Variants in SLC23A2 observed in about 807,000 individuals in gnomAD.
The protein encoded by SLC23A2 is Na(+)/L-ascorbic acid transporter 2.
A neutral mutation model predicts 73.3 loss-of-function variants in SLC23A2; 36 were observed. That is an observed-to-expected ratio of 0.49 (90% CI 0.38 to 0.65). The LOEUF (loss-of-function observed/expected upper bound fraction) is 0.65. SLC23A2 is among the 30% of genes least tolerant of loss of function. The pLI is 0.00. For missense variants in SLC23A2, 507 were observed against 841.6 expected, an observed-to-expected ratio of 0.60 and a Z score of 4.92; for synonymous variants, 343 against 327.3, an observed-to-expected ratio of 1.05 and a Z score of -0.52.
intron 3 of SLC23A2, among the ~76,000 whole-genome samples, chr20:4,922,473 CA>C (rs1487392418): frequency 6.6e-6 from 1 of 152,174 alleles, no homozygotes; most frequent in African/African-American, 2.4e-5. Flanking sequence ...GCAGAACAAA[CA>C]AGAGGTCCTC....
intron 3 of SLC23A2, among the ~76,000 whole-genome samples, chr20:4,918,149 TAAACTTAATA>T (rs1394369096): frequency 1.3e-5 from 2 of 152,234 alleles, no homozygotes; most frequent in African/African-American, 4.8e-5. Flanking sequence ...GGAAGCTTTC[TAAACTTAATA>T]AAGTCTGGTT....
At chr20:4,939,914 G>T (rs910902518) in intron 2 of SLC23A2, among the ~76,000 whole-genome samples, 1 of 152,152 alleles carries the variant, frequency 6.6e-6, no homozygotes, top group Non-Finnish European at 1.5e-5. Context: ...GATAGGAAAG[G>T]TACTGTAAGA....
At chr20:4,957,099 GC>G (rs2087302637) in intron 2 of SLC23A2, among the ~76,000 whole-genome samples, 1 of 151,780 alleles carries the variant, frequency 6.6e-6, no homozygotes, top group African/African-American at 2.4e-5. Flanking sequence ...GAGTTACTGC[GC>G]CCGGCCTCCT....
At chr20:4,941,879 C>T (rs1214825839) in intron 2 of SLC23A2, among the ~76,000 whole-genome samples, 1 of 152,042 alleles carries the variant, frequency 6.6e-6, no homozygotes, top group Admixed American at 6.5e-5. Flanking sequence ...GTATGTACAG[C>T]ATTAACCCAC....
chr20:4,946,948 C>G (rs991446815), intron 2 of SLC23A2, among the ~76,000 whole-genome samples: 1 of 152,196 alleles, frequency 6.6e-6, no homozygotes, highest in Non-Finnish European at 1.5e-5. Context: ...TATCTTTCAG[C>G]AGAAGTTTTC....
At chr20:4,901,278 G>A (rs1931735426) in intron 5 of SLC23A2, among the ~76,000 whole-genome samples, 1 of 152,068 alleles carries the variant, frequency 6.6e-6, no homozygotes, top group South Asian at 2.1e-4. Flanking sequence ...CTCAACCAAA[G>A]TACCCAGCTG....
chr20:4,936,581 C>T (rs2086965122), intron 2 of SLC23A2, among the ~76,000 whole-genome samples: 1 of 152,148 alleles, frequency 6.6e-6, no homozygotes, highest in Non-Finnish European at 1.5e-5. Context: ...AGTCACCATG[C>T]CTGGCTAAGG....
In SLC23A2 at chr20:4,998,309, C is replaced by A. The variant is rs2122362815; in HGVS notation, c.-282+3097G>T. The stretch of plus-strand genomic sequence containing the variant: ...AGCATCCCAAGCACCAAGAATATTA[C>A]CCAGCACAGATCAGGCACTCAATGT... On this transcript the variant is annotated intron_variant, in intron 1 of 16. Transcript: ENST00000338244. The surrounding 1 kb of genome is among the most constrained non-coding windows in gnomAD (Gnocchi z 4.1). Among the ~76,000 whole-genome samples the A allele has an allele frequency of 6.6e-6, 1 of 152,206 alleles. No individual in the cohort carries two copies. The highest frequency in any genetic ancestry group is 2.1e-4 in the South Asian group (1 of 4,804).
chr20:4,926,448 T>C (rs1728920001), intron 3 of SLC23A2, among the ~76,000 whole-genome samples: 1 of 151,988 alleles, frequency 6.6e-6, no homozygotes, highest in Non-Finnish European at 1.5e-5. Flanking sequence ...CTGGCCGTGC[T>C]TCCTGTCTGT....
intron 1 of SLC23A2, among the ~76,000 whole-genome samples, chr20:4,974,819 G>T (rs1042583478): frequency 1.3e-5 from 2 of 152,040 alleles, no homozygotes; most frequent in Non-Finnish European, 2.9e-5. Flanking sequence ...ACGGAGTCTC[G>T]CTCTGTCACC....
chr20:4,917,767 A>T (rs1932376934), intron 3 of SLC23A2, among the ~76,000 whole-genome samples: 1 of 152,024 alleles, frequency 6.6e-6, no homozygotes, highest in South Asian at 2.1e-4. Context: ...TGCTACCCCC[A>T]TCCTCTAAGG....
At chr20:4,963,693 T>C (rs1166001378) in intron 2 of SLC23A2, among the ~76,000 whole-genome samples, 1 of 151,756 alleles carries the variant, frequency 6.6e-6, no homozygotes, top group East Asian at 1.9e-4. Context: ...ACTAAAAATA[T>C]AAAAATTAGC....
intron 1 of SLC23A2, among the ~76,000 whole-genome samples, chr20:4,982,600 C>T (rs2087744177): frequency 6.6e-6 from 1 of 152,080 alleles, no homozygotes; most frequent in African/African-American, 2.4e-5. Context: ...CCCACTACCC[C>T]ATTTCAAAAG....
At chr20:4,995,493 T>G (rs943445354) in intron 1 of SLC23A2, among the ~76,000 whole-genome samples, 1 of 152,088 alleles carries the variant, frequency 6.6e-6, no homozygotes, top group South Asian at 2.1e-4. Flanking sequence ...CTGACCCCCA[T>G]CACATCCTCA....
At chr20:4,866,244 A>C (rs1400687144) in intron 13 of SLC23A2, among the ~76,000 whole-genome samples, 4 of 152,232 alleles carry the variant, frequency 2.6e-5, no homozygotes, top group African/African-American at 7.2e-5. Flanking sequence ...TAATGACAAC[A>C]AAAAGTTTGT....
At chr20:4,977,116 A>G (rs986139081) in intron 1 of SLC23A2, among the ~76,000 whole-genome samples, 1 of 152,242 alleles carries the variant, frequency 6.6e-6, no homozygotes, top group Non-Finnish European at 1.5e-5. Context: ...TACGATAGCA[A>G]AACACTGTAT....
At chr20:4,913,992 A>G (rs770740002) in intron 3 of SLC23A2, among the ~76,000 whole-genome samples, 2 of 152,034 alleles carry the variant, frequency 1.3e-5, no homozygotes, top group Non-Finnish European at 1.5e-5. Flanking sequence ...TACACAGAGT[A>G]ATATCAAGGA....
intron 2 of SLC23A2, among the ~76,000 whole-genome samples, chr20:4,965,169 C>T (rs924126881): frequency 6.6e-5 from 10 of 152,066 alleles, no homozygotes; most frequent in African/African-American, 1.9e-4. Context: ...CCGGAGAGAG[C>T]GCTGGGAGGG....
chr20:4,967,014 A>G (rs1252866070), intron 2 of SLC23A2, among the ~76,000 whole-genome samples: 1 of 152,184 alleles, frequency 6.6e-6, no homozygotes, highest in African/African-American at 2.4e-5. Context: ...AAGAGACCAA[A>G]GCAGAAATCC....
Sources: gnomAD v4.1 joint callset for allele counts (sites outside exome capture counted in the v4.1 genomes callset) on GRCh38, gnomAD v4.1.1 for gene constraint, Gnocchi (gnomAD v3.1) non-coding constraint, MANE v1.5 for transcripts, NCBI Gene and HGNC (gene_info 2026-07-23, HGNC 2026-07-21) for gene names.